The following ROBO1 variants were observed in gnomAD, a reference collection of about 807,000 sequenced individuals.
The protein encoded by ROBO1 is roundabout homolog 1.
In ROBO1, 149 loss-of-function variants were observed where a neutral mutation model predicts 195.9. The ratio of observed to expected loss-of-function variants is 0.76; its 90% CI spans 0.67 to 0.87. ROBO1 has a LOEUF of 0.87. Among genes scored for constraint, ROBO1 ranks in the 40% least tolerant of loss-of-function variants. The pLI, the probability that ROBO1 is intolerant of heterozygous loss-of-function variation, is 0.00. For missense variants in ROBO1, 1,933 were observed against 2,068.3 expected (o/e 0.93, Z 1.27); for synonymous variants, 816 against 733.2 (o/e 1.11, Z -1.82).
At chr3:79,039,421 G>A (rs1457537347) in intron 3 of ROBO1, among the ~76,000 whole-genome samples, 2 of 152,134 alleles carry the variant, frequency 1.3e-5, no homozygotes, top group South Asian at 4.1e-4. Flanking sequence ...GGAGATTAGG[G>A]AGTATTGTAC....
intron 2 of ROBO1, among the ~76,000 whole-genome samples, chr3:79,408,534 A>G (rs2037641436): frequency 6.6e-6 from 1 of 152,150 alleles, no homozygotes; most frequent in African/African-American, 2.4e-5. Context: ...AAAGTTAGAT[A>G]CTAGTAACTG....
intron 8 of ROBO1, among the ~76,000 whole-genome samples, chr3:78,712,670 C>G (rs2081793572): frequency 6.6e-6 from 1 of 152,136 alleles, no homozygotes; most frequent in African/African-American, 2.4e-5. Flanking sequence ...GAAATGAGAA[C>G]TTCTAAATTC....
rs75370789 is a variant in ROBO1, at chr3:78,742,851, C to T, written c.657+3892G>A. ...TACATTGACTAGAAGCTACTGATGG[C>T]GTGGGGGAACTGGTGCTCTTTAATT... On this transcript the variant is annotated intron_variant, in intron 5 of 30. Coordinates refer to ENST00000464233, the MANE Select transcript of ROBO1 (RefSeq NM_002941.4). Among the ~76,000 whole-genome samples, 1,484 of 152,170 alleles carry T rather than the reference C, an allele frequency of 9.8e-3. 33 individuals carry two copies. The highest frequency in any genetic ancestry group is 0.034 in the African/African-American group (1,393 of 41,516).
chr3:78,968,128 G>A (rs550852395), intron 3 of ROBO1, among the ~76,000 whole-genome samples: 1 of 152,254 alleles, frequency 6.6e-6, no homozygotes, highest in Non-Finnish European at 1.5e-5. Flanking sequence ...TCTCATTGGA[G>A]AGGGCATGGA....
chr3:78,864,442 T>C (rs997749070), intron 4 of ROBO1, among the ~76,000 whole-genome samples: 1 of 152,036 alleles, frequency 6.6e-6, no homozygotes, highest in Admixed American at 6.5e-5. Context: ...ATTTATAAGA[T>C]GGCATACATG....
chr3:79,620,972 T>C (rs1040399899), intron 1 of ROBO1, among the ~76,000 whole-genome samples: 2 of 152,112 alleles, frequency 1.3e-5, no homozygotes, highest in African/African-American at 4.8e-5. Context: ...CAAATTGTCT[T>C]GCCTATCCAC....
chr3:78,600,745 G>A (rs953117465), intron 29 of ROBO1, among the ~76,000 whole-genome samples: 1 of 152,140 alleles, frequency 6.6e-6, no homozygotes, highest in Non-Finnish European at 1.5e-5. Context: ...ACATGGACAC[G>A]TGAGACAGTT....
intron 2 of ROBO1, among the ~76,000 whole-genome samples, chr3:79,247,896 T>C (rs995071664): frequency 6.6e-6 from 1 of 152,110 alleles, no homozygotes; most frequent in Non-Finnish European, 1.5e-5. Flanking sequence ...CAGTGGAGCC[T>C]GGGACAGACA....
intron 3 of ROBO1, among the ~76,000 whole-genome samples, chr3:79,012,514 A>C (rs11923198): frequency 0.99 from 150,437 of 152,342 alleles, 74,288 homozygotes; most frequent in East Asian, 1. Flanking sequence ...ACAGAATATT[A>C]TTTTCCGGCT....
At position 78,717,878 on chromosome 3, in the gene ROBO1, T is replaced by A. The variant is rs1238864580; in HGVS notation, c.663A>T (p.Arg221=). Residue 221 remains arginine, a synonymous_variant, in exon 6 of 31, where the codon CGA becomes CGT. Transcript: ENST00000464233. ...TGTAAGTGATCATGAGCTTTCCTCC[T>A]CGTATCTTAAAAAAAAAGTTTCACA... ...LDDKDERITI[R]GGKLMITYTR... 6.2e-7 allele frequency: 1 copy of A among 1,612,978 alleles called. No homozygotes were observed. Among genetic ancestry groups the A allele is most frequent in the Non-Finnish European group, 8.5e-7 (1 of 1,179,424 alleles).
intron 2 of ROBO1, among the ~76,000 whole-genome samples, chr3:79,542,426 T>A (rs1480909784): frequency 6.6e-6 from 1 of 152,046 alleles, no homozygotes; most frequent in Non-Finnish European, 1.5e-5. Flanking sequence ...ATAAAGTTAT[T>A]TTTTCAGAAA....
intron 1 of ROBO1, among the ~76,000 whole-genome samples, chr3:79,594,494 G>T (rs1024172475): frequency 7.9e-5 from 12 of 151,774 alleles, no homozygotes; most frequent in African/African-American, 2.4e-4. Context: ...AATTGTTTAG[G>T]GTAATTTAAA....
intron 3 of ROBO1, among the ~76,000 whole-genome samples, chr3:78,941,749 C>A (rs1033523511): frequency 6.6e-6 from 1 of 152,084 alleles, no homozygotes; most frequent in African/African-American, 2.4e-5. Context: ...CTTAGTATGG[C>A]CTGAGTATAA....
At chr3:79,190,475 G>A (rs2081518384) in intron 2 of ROBO1, among the ~76,000 whole-genome samples, 1 of 151,598 alleles carries the variant, frequency 6.6e-6, no homozygotes, top group African/African-American at 2.4e-5. Context: ...TTCACAAATT[G>A]AGTATTGGAG....
chr3:79,536,065 C>T (rs1371580471), intron 2 of ROBO1, among the ~76,000 whole-genome samples: 2 of 151,982 alleles, frequency 1.3e-5, no homozygotes, highest in Non-Finnish European at 2.9e-5. Flanking sequence ...CCTTTTAAAC[C>T]GCTACATAAT....
intron 3 of ROBO1, among the ~76,000 whole-genome samples, chr3:78,984,193 G>T (rs942312229): frequency 4.6e-5 from 7 of 152,018 alleles, no homozygotes; most frequent in South Asian, 2.1e-4. Flanking sequence ...GTGATGATGA[G>T]GATGATGATG....
intron 3 of ROBO1, among the ~76,000 whole-genome samples, chr3:79,038,381 G>A (rs973964343): frequency 3.3e-5 from 5 of 152,054 alleles, no homozygotes; most frequent in Admixed American, 2.6e-4. Context: ...TCTATGATTT[G>A]GTCTAAATTT....
At chr3:78,974,660 A>T (rs931708524) in intron 3 of ROBO1, among the ~76,000 whole-genome samples, 2 of 152,178 alleles carry the variant, frequency 1.3e-5, no homozygotes, top group African/African-American at 4.8e-5. Context: ...ACACAAAGCC[A>T]AATCCCAGAA....
intron 4 of ROBO1, among the ~76,000 whole-genome samples, chr3:78,858,035 C>T (rs772525257): frequency 1.1e-4 from 16 of 152,084 alleles, no homozygotes; most frequent in Non-Finnish European, 1.8e-4. Flanking sequence ...AGATTTGAGA[C>T]TGAAATATCG....
Sources: allele counts gnomAD v4.1 joint callset (sites outside exome capture counted in the v4.1 genomes callset), GRCh38; gene constraint gnomAD v4.1.1; transcripts MANE v1.5; gene names NCBI Gene and HGNC (gene_info 2026-07-23, HGNC 2026-07-21).